Variants in JAM3 observed in about 807,000 individuals in gnomAD.
The protein encoded by JAM3 is junctional adhesion molecule 3.
Under a neutral mutation model 39.4 loss-of-function variants are expected in JAM3, and 31 were observed. The observed-to-expected ratio is 0.79, with a 90% CI of 0.59 to 1.06. The LOEUF is 1.06. Among genes scored for constraint, JAM3 ranks in the 50% least tolerant of loss-of-function variants. The probability of loss-of-function intolerance (pLI) is 0.00; values close to 1 mark genes in which losing one functional copy is unlikely to be tolerated. For missense variants in JAM3, 455 were observed against 391.4 expected, an observed-to-expected ratio of 1.16 and a Z score of -1.37; for synonymous variants, 182 against 148.7, an observed-to-expected ratio of 1.22 and a Z score of -1.63.
intron 1 of JAM3, among the ~76,000 whole-genome samples, chr11:134,136,366 T>C (rs1942865476): frequency 6.6e-6 from 1 of 152,186 alleles, no homozygotes; most frequent in Admixed American, 6.5e-5. Context: ...CCCCAGGCAT[T>C]GGGCAGGATT....
At chr11:134,112,089 A>T (rs1942323333) in intron 1 of JAM3, among the ~76,000 whole-genome samples, 1 of 152,108 alleles carries the variant, frequency 6.6e-6, no homozygotes, top group Admixed American at 6.5e-5. Flanking sequence ...ACGGTAAAGC[A>T]ATTTATTTAT....
chr11:134,147,335 TC>T (rs960216376), intron 6 of JAM3, among the ~76,000 whole-genome samples: 21 of 150,518 alleles, frequency 1.4e-4, no homozygotes, highest in Non-Finnish European at 2.4e-4. Context: ...GCGCCTGTAG[TC>T]CCAGTAACTT....
chr11:134,089,611 A>G (rs1482228094), intron 1 of JAM3, among the ~76,000 whole-genome samples: 5 of 152,124 alleles, frequency 3.3e-5, no homozygotes, highest in Admixed American at 3.3e-4. Context: ...TTCCAGCTTC[A>G]TCCATGTCCC....
chr11:134,134,679 C>T (rs1410198280), intron 1 of JAM3, among the ~76,000 whole-genome samples: 1 of 152,100 alleles, frequency 6.6e-6, no homozygotes, highest in Non-Finnish European at 1.5e-5. Context: ...TTATTATTTC[C>T]CCCCTTTAAA....
At chr11:134,118,995 TCTTG>T (rs1195223103) in intron 1 of JAM3, among the ~76,000 whole-genome samples, 3 of 146,234 alleles carry the variant, frequency 2.1e-5, no homozygotes, top group Non-Finnish European at 4.5e-5. Context: ...TGATACAGAG[TCTTG>T]CTTTTGTTGC....
At chr11:134,116,778 A>T (rs559967792) in intron 1 of JAM3, among the ~76,000 whole-genome samples, 2 of 152,110 alleles carry the variant, frequency 1.3e-5, no homozygotes, top group South Asian at 4.2e-4. Flanking sequence ...ATGTATTTAT[A>T]TCCACGTATA....
intron 1 of JAM3, among the ~76,000 whole-genome samples, chr11:134,093,579 G>C (rs201113238): frequency 0.21 from 18,288 of 89,100 alleles, 3,401 homozygotes; most frequent in African/African-American, 0.41. Flanking sequence ...AGGGAAGCGT[G>C]TCCTGAACCC....
At chr11:134,147,258 A>T (rs1270528698) in intron 6 of JAM3, among the ~76,000 whole-genome samples, 2 of 151,864 alleles carry the variant, frequency 1.3e-5, no homozygotes, top group African/African-American at 4.8e-5. Context: ...GTTCAAGACC[A>T]GCCTGGCCAA....
intron 1 of JAM3, among the ~76,000 whole-genome samples, chr11:134,117,651 G>T (rs1049912882): frequency 6.6e-6 from 1 of 152,212 alleles, no homozygotes. Flanking sequence ...TTTGCAGCTT[G>T]AATATGTTTC....
At chr11:134,108,418 T>C (rs1942243650) in intron 1 of JAM3, among the ~76,000 whole-genome samples, 1 of 152,152 alleles carries the variant, frequency 6.6e-6, no homozygotes, top group African/African-American at 2.4e-5. Flanking sequence ...GAAAGAATTA[T>C]TTCCCAAAGT....
intron 1 of JAM3, among the ~76,000 whole-genome samples, chr11:134,108,497 C>A (rs1942245141): frequency 6.6e-6 from 1 of 152,164 alleles, no homozygotes; most frequent in Admixed American, 6.5e-5. Flanking sequence ...AGGCCAATTT[C>A]CCTCGTGAAC....
intron 1 of JAM3, among the ~76,000 whole-genome samples, chr11:134,128,923 C>T (rs749224112): frequency 6.6e-6 from 1 of 152,086 alleles, no homozygotes; most frequent in Non-Finnish European, 1.5e-5. Flanking sequence ...AGTTGCCTAA[C>T]AAAATACCAT....
At chr11:134,115,071 T>C (rs1942398282) in intron 1 of JAM3, among the ~76,000 whole-genome samples, 1 of 152,236 alleles carries the variant, frequency 6.6e-6, no homozygotes, top group Admixed American at 6.5e-5. Flanking sequence ...TTTTGATGAA[T>C]TGACCTCTTT....
chr11:134,106,750 A>T (rs987525807), intron 1 of JAM3, among the ~76,000 whole-genome samples: 2 of 152,268 alleles, frequency 1.3e-5, no homozygotes, highest in African/African-American at 4.8e-5. Context: ...ATCACTGGCC[A>T]TCAGATAAAT....
intron 6 of JAM3, among the ~76,000 whole-genome samples, chr11:134,146,648 A>G (rs1943077420): frequency 6.6e-6 from 1 of 151,782 alleles, no homozygotes; most frequent in South Asian, 2.1e-4. Flanking sequence ...AGGTCACTGC[A>G]TCCTCAAACC....
At chr11:134,141,638 C>T (rs987510324) in intron 3 of JAM3, among the ~76,000 whole-genome samples, 18 of 152,114 alleles carry the variant, frequency 1.2e-4, no homozygotes, top group African/African-American at 4.3e-4. Context: ...CAACTCAGAG[C>T]AGAGGCCCAA....
intron 3 of JAM3, among the ~76,000 whole-genome samples, chr11:134,142,225 C>T (rs1021319676): frequency 2.6e-5 from 4 of 152,114 alleles, no homozygotes; most frequent in Admixed American, 6.5e-5. Flanking sequence ...GACGGTTTCC[C>T]GCACAGAATG....
chr11:134,109,486 G>A (rs966223549), intron 1 of JAM3, among the ~76,000 whole-genome samples: 2 of 152,120 alleles, frequency 1.3e-5, no homozygotes, highest in African/African-American at 2.4e-5. Flanking sequence ...AAATTTTATT[G>A]GAACACAGCC....
At position 134,115,105 on chromosome 11, in the gene JAM3, T is replaced by G. The variant is rs577829912; in HGVS notation, c.77-24746T>G. Among the ~76,000 whole-genome samples the G allele has an allele frequency of 5.9e-5, 9 of 152,352 alleles. 1 individual carries two copies. Among genetic ancestry groups the G allele is most frequent in the African/African-American group, 1.9e-4 (8 of 41,598 alleles). On this transcript the variant is annotated intron_variant, in intron 1 of 8. Transcript: ENST00000299106. ...TTATCGATTTTTAAATTTATTGTTA[T>G]GAAATGACTTCCTTTATCATTATGA...
Sources: allele counts gnomAD v4.1 joint callset (sites outside exome capture counted in the v4.1 genomes callset), GRCh38; gene constraint gnomAD v4.1.1; transcripts MANE v1.5; gene names NCBI Gene and HGNC (gene_info 2026-07-23, HGNC 2026-07-21).